The following ERC1 variants were observed in gnomAD, a reference collection of about 807,000 sequenced individuals.
The protein encoded by ERC1 is ELKS/RAB6-interacting/CAST family member 1, also known as RAB6 interacting protein 2.
A neutral mutation model predicts 132.0 loss-of-function variants in ERC1; 56 were observed. The ratio of observed to expected loss-of-function variants is 0.42; its 90% confidence interval spans 0.34 to 0.53. The LOEUF (loss-of-function observed/expected upper bound fraction) is 0.53. ERC1 is among the 20% of genes least tolerant of loss of function. ERC1 has a pLI of 0.03. For missense variants in ERC1, 1,202 were observed against 1,349.9 expected (o/e 0.89, Z 1.72); for synonymous variants, 478 against 476.1 (o/e 1.00, Z -0.05).
chr12:1,286,800 A>G (rs546097285), intron 14 of ERC1, among the ~76,000 whole-genome samples: 10 of 152,230 alleles, frequency 6.6e-5, no homozygotes, highest in Non-Finnish European at 1.5e-4. Context: ...AAAATTAAGC[A>G]TATAAAGTAC....
chr12:1,021,570 G>A (rs1438530006), intron 1 of ERC1, among the ~76,000 whole-genome samples: 6 of 151,894 alleles, frequency 4.0e-5, no homozygotes, highest in East Asian at 1.9e-4. Flanking sequence ...GTGGTGGCAC[G>A]CACCTGTAGT....
intron 12 of ERC1, among the ~76,000 whole-genome samples, chr12:1,195,238 A>G (rs566071542): frequency 6.6e-6 from 1 of 152,232 alleles, no homozygotes; most frequent in South Asian, 2.1e-4. Context: ...CTCATCCCCA[A>G]AAGTTCCCTT....
At chr12:1,297,917 G>A (rs559612527) in intron 15 of ERC1, among the ~76,000 whole-genome samples, 5 of 152,172 alleles carry the variant, frequency 3.3e-5, no homozygotes, top group South Asian at 2.1e-4. Context: ...AGGTTCTTAC[G>A]TTCGTGAAGT....
chr12:1,159,367 C>G (rs138007065), intron 8 of ERC1, among the ~76,000 whole-genome samples: 1,751 of 152,272 alleles, frequency 0.011, 25 homozygotes, highest in South Asian at 0.07. Context: ...AGGATTCACG[C>G]TCTTGTGAGA....
At chr12:1,344,466 G>A (rs1010212640) in intron 15 of ERC1, among the ~76,000 whole-genome samples, 2 of 152,204 alleles carry the variant, frequency 1.3e-5, no homozygotes, top group African/African-American at 4.8e-5. Context: ...ATGAAGGCTT[G>A]TGCTGTGAAA....
Position 1,210,670 on chromosome 12 carries a change from G to T in ERC1, c.2351+20618G>T, listed in dbSNP as rs148710559. ...ATTTTCTGGTGTGTTTGGGATAGTTGCTGTCAATGGCTACAAAAGACAGTT... is the reference window on the plus strand; with the variant it reads ...ATTTTCTGGTGTGTTTGGGATAGTTTCTGTCAATGGCTACAAAAGACAGTT... On this transcript the variant is annotated intron_variant, in intron 12 of 18. Coordinates refer to ENST00000360905, the MANE Select transcript of ERC1 (RefSeq NM_178040.4). Among the ~76,000 whole-genome samples, 443 of 152,252 alleles carry T rather than the reference G, an allele frequency of 2.9e-3. 2 individuals carry two copies. Among genetic ancestry groups the T allele is most frequent in the African/African-American group, 0.01 (424 of 41,524 alleles).
At position 1,444,637 on chromosome 12, in the gene ERC1, T is replaced by C; in HGVS notation, c.3100T>C (p.Cys1034Arg). 1 of 1,614,128 alleles carries C rather than the reference T, an allele frequency of 6.2e-7. No homozygotes were observed. Among genetic ancestry groups the C allele is most frequent in the Non-Finnish European group, 8.5e-7 (1 of 1,179,970 alleles). The change falls in exon 18 of 19, where the codon TGC becomes CGC. Residue 1034 changes from cysteine to arginine, a missense_variant. Physicochemically the swap from Cys to Arg is radical, Grantham distance 180. Coordinates refer to ENST00000360905, the MANE Select transcript of ERC1 (RefSeq NM_178040.4). ...GTACATTGGACACCTGACAACCCTC[T>C]GCCATGACCGAGACCCCCTGATCCT... ...KLYIGHLTTL[C>R]HDRDPLILRG...
chr12:1,178,362 A>G (rs1033573323), intron 8 of ERC1, among the ~76,000 whole-genome samples: 6 of 152,156 alleles, frequency 3.9e-5, no homozygotes, highest in East Asian at 3.8e-4. Context: ...AATGTTTACT[A>G]TGATCTGAGA....
intron 3 of ERC1, among the ~76,000 whole-genome samples, chr12:1,091,361 G>A (rs1011018143): frequency 1.9e-4 from 29 of 151,634 alleles, no homozygotes; most frequent in Non-Finnish European, 3.5e-4. Flanking sequence ...CCTTTCAGTG[G>A]AGATCTGAAG....
At position 1,141,721 on chromosome 12, in the gene ERC1, A is replaced by C. The variant is rs1949879539; in HGVS notation, c.1671A>C (p.Gly557=). The part of the protein sequence containing the change: ...DMAEEKGTQA[G]EIHDLKDMLD... The stretch of plus-strand genomic sequence containing the variant: ...CTGAAGAGAAGGGGACACAAGCTGG[A>C]GAGATACATGACCTCAAGGACATGT... Residue 557 remains glycine, a synonymous_variant, in exon 8 of 19, where the codon GGA becomes GGC. Transcript: ENST00000360905. 2.5e-6 allele frequency: 4 copies of C among 1,613,438 alleles called. No individual in the cohort carries two copies. Among genetic ancestry groups the C allele is most frequent in the Non-Finnish European group, 3.4e-6 (4 of 1,179,590 alleles).
intron 3 of ERC1, among the ~76,000 whole-genome samples, chr12:1,091,570 C>G (rs1460265781): frequency 1.3e-5 from 2 of 152,132 alleles, no homozygotes; most frequent in Non-Finnish European, 2.9e-5. Context: ...TTACTGGACA[C>G]CAACCATGCG....
At chr12:1,334,598 T>C (rs1363544420) in intron 15 of ERC1, among the ~76,000 whole-genome samples, 1 of 152,214 alleles carries the variant, frequency 6.6e-6, no homozygotes, top group East Asian at 1.9e-4. Flanking sequence ...TCTATGTGTC[T>C]TTGTACCAGT....
In ERC1 at chr12:996,157, C is replaced by T. The variant is rs565583828; in HGVS notation, c.-157+4835C>T. On this transcript the variant is annotated intron_variant, in intron 1 of 18. Transcript: ENST00000360905. Reference sequence around the variant, plus strand: ...AGGCTGGAGTGCAGTGGCGCAATCTCGGCTCACTGCAATCTCCGCCTCCTG... The same window carrying T: ...AGGCTGGAGTGCAGTGGCGCAATCTTGGCTCACTGCAATCTCCGCCTCCTG... 6.7e-4 allele frequency among the ~76,000 whole-genome samples: 98 copies of T among 146,760 alleles called. No homozygotes were observed. In the South Asian group the frequency reaches 0.011, roughly 17 times the overall value.
intron 7 of ERC1, among the ~76,000 whole-genome samples, chr12:1,129,579 A>G (rs10744534): frequency 0.89 from 135,330 of 152,166 alleles, 62,298 homozygotes; most frequent in East Asian, 1. Context: ...GTAAAGGATT[A>G]ACAATTAGGC....
chr12:1,050,685 G>A (rs1011534806), intron 2 of ERC1, among the ~76,000 whole-genome samples: 3 of 151,986 alleles, frequency 2.0e-5, no homozygotes, highest in Non-Finnish European at 4.4e-5. Context: ...ACTACTACAC[G>A]TGGAAAACAT....
intron 8 of ERC1, among the ~76,000 whole-genome samples, chr12:1,153,905 C>T (rs571658576): frequency 3.1e-4 from 47 of 152,172 alleles, no homozygotes; most frequent in African/African-American, 1.1e-3. Context: ...TAACTTTATT[C>T]GTTTGGAGTA....
At chr12:1,251,847 A>G (rs775590082) in intron 13 of ERC1, among the ~76,000 whole-genome samples, 1 of 152,204 alleles carries the variant, frequency 6.6e-6, no homozygotes, top group Non-Finnish European at 1.5e-5. Context: ...TACATTAGGC[A>G]CTAAAATTAT....
intron 8 of ERC1, among the ~76,000 whole-genome samples, chr12:1,175,768 C>G (rs1455054089): frequency 2.0e-5 from 3 of 152,120 alleles, no homozygotes; most frequent in Non-Finnish European, 4.4e-5. Flanking sequence ...CTCCTGACCT[C>G]AAGTGATCTG....
intron 1 of ERC1, among the ~76,000 whole-genome samples, chr12:993,914 TA>T (rs1475828010): frequency 6.7e-6 from 1 of 150,176 alleles, no homozygotes; most frequent in Non-Finnish European, 1.5e-5. Context: ...AAAATAAAAA[TA>T]AAAATTGGCT....
Sources: gnomAD v4.1 joint callset for allele counts (sites outside exome capture counted in the v4.1 genomes callset) on GRCh38, gnomAD v4.1.1 for gene constraint, MANE v1.5 for transcripts, NCBI Gene and HGNC (gene_info 2026-07-23, HGNC 2026-07-21) for gene names.